The following RFX3 variants were observed in gnomAD, a reference collection of about 807,000 sequenced individuals.
RFX3 encodes regulatory factor X3, also known as transcription factor RFX3.
RFX3 carries 14 observed loss-of-function variants against 98.6 expected under a neutral mutation model. The observed-to-expected ratio is 0.14, with a 90% CI of 0.09 to 0.22. The LOEUF is 0.22. Among genes scored for constraint, RFX3 ranks in the 10% least tolerant of loss-of-function variants. The pLI is 1.00. For synonymous variants in RFX3, 383 were observed against 328.4 expected (o/e 1.17, Z -1.80); for missense variants, 639 against 926.9 (o/e 0.69, Z 4.03).
chr9:3,313,475 A>G lies in RFX3; in HGVS notation c.475-11855T>C, dbSNP rs566758122. ...AAAGTGCTTCTTCTCCTCCAAAGGA[A>G]CGCAGCTCCCCGCCAGCAACGGAAC... On this transcript the variant is annotated intron_variant, in intron 4 of 16. Transcript: ENST00000617270. 1.3e-3 allele frequency among the ~76,000 whole-genome samples: 202 copies of G among 152,356 alleles called. 2 individuals are homozygous for G. Among genetic ancestry groups the G allele is most frequent in the African/African-American group, 4.4e-3 (185 of 41,586 alleles).
At chr9:3,439,876 C>A (rs963661231) in intron 1 of RFX3, among the ~76,000 whole-genome samples, 7 of 151,834 alleles carry the variant, frequency 4.6e-5, no homozygotes, top group Admixed American at 2.0e-4. Context: ...AATCTTAAAC[C>A]GTTAAATCTA....
At chr9:3,408,634 ACG>A (rs984007962) in intron 1 of RFX3, among the ~76,000 whole-genome samples, 1 of 151,278 alleles carries the variant, frequency 6.6e-6, no homozygotes, top group African/African-American at 2.4e-5. Flanking sequence ...ACACACACAC[ACG>A]CACGCACACA....
chr9:3,390,237 C>T (rs1436609995), intron 2 of RFX3, among the ~76,000 whole-genome samples: 1 of 151,906 alleles, frequency 6.6e-6, no homozygotes, highest in Admixed American at 6.6e-5. Flanking sequence ...TGGGGTGGTA[C>T]AGTAAATTGG....
chr9:3,235,188 C>T lies in RFX3; in HGVS notation c.1969-6299G>A, dbSNP rs148337378. Among the ~76,000 whole-genome samples the T allele has an allele frequency of 8.4e-3, 1,282 of 152,296 alleles. 57 individuals are homozygous for T. Among genetic ancestry groups the T allele is most frequent in the Admixed American group, 0.072 (1,107 of 15,302 alleles). On this transcript the variant is annotated intron_variant, in intron 15 of 16. Transcript: ENST00000617270. ...ATTCAGGTGGGGCAAGCTTCCCTAACGGGACATTTGCTCCAATTTGGGTGG... is the reference window on the plus strand; with the variant it reads ...ATTCAGGTGGGGCAAGCTTCCCTAATGGGACATTTGCTCCAATTTGGGTGG...
At chr9:3,271,214 C>G in intron 9 of RFX3, 96 bp from the exon 10 acceptor site, 1 of 1,019,296 alleles carries the variant, frequency 9.8e-7, no homozygotes, top group Non-Finnish European at 1.5e-6. Flanking sequence ...TGGTCAAGTT[C>G]TCCCTTGGGG....
At chr9:3,500,897 C>CA (rs1387436148) in intron 1 of RFX3, among the ~76,000 whole-genome samples, 1 of 152,056 alleles carries the variant, frequency 6.6e-6, no homozygotes, top group East Asian at 1.9e-4. Context: ...CTTAAAGAAT[C>CA]AAAGTTCTAA....
At chr9:3,352,207 A>T (rs1563972412) in intron 2 of RFX3, among the ~76,000 whole-genome samples, 1 of 152,144 alleles carries the variant, frequency 6.6e-6, no homozygotes, top group Admixed American at 6.6e-5. Flanking sequence ...GTATACAAAA[A>T]TAAATTTATG....
chr9:3,439,899 G>A (rs1326324581), intron 1 of RFX3, among the ~76,000 whole-genome samples: 1 of 151,926 alleles, frequency 6.6e-6, no homozygotes, highest in African/African-American at 2.4e-5. Flanking sequence ...ATTCATAAAG[G>A]ATAATACATC....
chr9:3,432,367 T>C (rs1844729911), intron 1 of RFX3, among the ~76,000 whole-genome samples: 1 of 152,158 alleles, frequency 6.6e-6, no homozygotes, highest in Non-Finnish European at 1.5e-5. Flanking sequence ...GGACTGTCGA[T>C]ACTATGGAAG....
intron 2 of RFX3, among the ~76,000 whole-genome samples, chr9:3,389,045 T>G (rs1377007324): frequency 5.3e-5 from 8 of 152,062 alleles, no homozygotes; most frequent in Non-Finnish European, 1.5e-5. Context: ...CAAGATGGCT[T>G]AGAAATTATC....
intron 1 of RFX3, among the ~76,000 whole-genome samples, chr9:3,482,388 C>G (rs1221082877): frequency 6.6e-6 from 1 of 152,062 alleles, no homozygotes; most frequent in Non-Finnish European, 1.5e-5. Flanking sequence ...AATGCTCAAG[C>G]AGATATGTAG....
In RFX3 at chr9:3,221,589, A is replaced by G. The variant is rs992725423; in HGVS notation, c.*3453T>C. 20 of 152,304 alleles carry G rather than the reference A, an allele frequency of 1.3e-4. No homozygotes were observed. Among genetic ancestry groups the G allele is most frequent in the Admixed American group, 3.3e-4 (5 of 15,284 alleles). The allele number at this position is 152,304 out of a possible 1,614,324, so 9.4% of individuals were successfully genotyped here. A position where few individuals can be genotyped will look rare whatever the true frequency, so the allele number is the denominator to read the frequency against. ...TTTCTGAAAAGGCAGTAAGACTTAT[A>G]CAGTCAGTCCAAACACAGTTTGGAT... On this transcript the variant is annotated 3_prime_UTR_variant, in exon 17 of 17. Transcript: ENST00000617270.
chr9:3,296,425 A>G (rs2129830684), intron 5 of RFX3, among the ~76,000 whole-genome samples: 1 of 152,084 alleles, frequency 6.6e-6, no homozygotes, highest in Admixed American at 6.6e-5. Flanking sequence ...TAAGTCAAAA[A>G]ATCTGCACCG....
chr9:3,509,264 A>G (rs539196316), intron 1 of RFX3, among the ~76,000 whole-genome samples: 31 of 152,082 alleles, frequency 2.0e-4, no homozygotes, highest in South Asian at 8.3e-4. Context: ...TGTACCACCT[A>G]TATCAGCTGC....
chr9:3,479,072 G>T (rs1849515941), intron 1 of RFX3, among the ~76,000 whole-genome samples: 1 of 152,144 alleles, frequency 6.6e-6, no homozygotes, highest in Middle Eastern at 3.2e-3. Flanking sequence ...TCCATTGTCT[G>T]CAATACTGCC....
intron 14 of RFX3, among the ~76,000 whole-genome samples, chr9:3,248,915 T>A (rs1043012779): frequency 2.0e-5 from 3 of 152,092 alleles, no homozygotes; most frequent in African/African-American, 7.2e-5. Flanking sequence ...ATAAACTCTA[T>A]TATATTTAAA....
intron 1 of RFX3, among the ~76,000 whole-genome samples, chr9:3,449,473 GC>G (rs1413910876): frequency 2.0e-5 from 3 of 152,270 alleles, no homozygotes; most frequent in Non-Finnish European, 2.9e-5. Context: ...TTGGTGCTGT[GC>G]TTCTTTCTAA....
chr9:3,228,928 G>T, intron 15 of RFX3, 39 bp from the exon 16 acceptor site: 2 of 1,561,012 alleles, frequency 1.3e-6, no homozygotes, highest in South Asian at 1.2e-5. Flanking sequence ...GTTAATATAG[G>T]GCAGAATAAA....
intron 1 of RFX3, among the ~76,000 whole-genome samples, chr9:3,483,453 T>C (rs1358903844): frequency 1.3e-5 from 2 of 152,186 alleles, no homozygotes; most frequent in East Asian, 3.8e-4. Flanking sequence ...AACCAATATA[T>C]GCAATTTATG....
Sources: gnomAD v4.1 joint callset for allele counts (sites outside exome capture counted in the v4.1 genomes callset) on GRCh38, gnomAD v4.1.1 for gene constraint, MANE v1.5 for transcripts, NCBI Gene and HGNC (gene_info 2026-07-23, HGNC 2026-07-21) for gene names.